TRMT11: variants seen among roughly 807,000 people sequenced by gnomAD.
The protein encoded by TRMT11 is tRNA (guanine(10)-N(2))-methyltransferase TRMT11.
A neutral mutation model predicts 62.8 loss-of-function variants in TRMT11; 53 were observed. The observed-to-expected ratio is 0.84, with a 90% CI of 0.68 to 1.06. TRMT11 has a LOEUF of 1.06. Among genes scored for constraint, TRMT11 ranks in the 50% least tolerant of loss-of-function variants. The probability of loss-of-function intolerance (pLI) is 0.00; values close to 1 mark genes in which losing one functional copy is unlikely to be tolerated. For missense variants in TRMT11, 556 were observed against 553.4 expected (o/e 1.00, Z -0.05); for synonymous variants, 188 against 190.3 (o/e 0.99, Z 0.10).
chr6:126,013,630 A>G (rs1389008469), intron 11 of TRMT11, among the ~76,000 whole-genome samples: 1 of 152,196 alleles, frequency 6.6e-6, no homozygotes, highest in Non-Finnish European at 1.5e-5. Context: ...ACCACGGCCT[A>G]TGGGCCAGAT....
Position 126,033,695 on chromosome 6 carries a change from T to C in TRMT11, c.1261-5010T>C, listed in dbSNP as rs1774643306. 3.3e-5 allele frequency among the ~76,000 whole-genome samples: 5 copies of C among 152,138 alleles called. No individual in the cohort carries two copies. The South Asian group carries it at 1.0e-3, about 32-fold the overall frequency. ...GTGGGACTCTCGATGTTTACAGCAA[T>C]CCGGGACTCACAAACAGCTATCAAA... is the stretch of plus-strand genomic sequence containing the variant. On this transcript the variant is annotated intron_variant, in intron 12 of 12. Transcript: ENST00000334379.
chr6:126,247,513 T>A, the TRMT11 span, among the ~76,000 whole-genome samples: 9 of 144,924 alleles, frequency 6.2e-5, no homozygotes, highest in Non-Finnish European at 1.3e-4. Context: ...TCTCTCTATA[T>A]ATAAATATAT....
chr6:126,210,288 A>G, the TRMT11 span, among the ~76,000 whole-genome samples: 1 of 152,222 alleles, frequency 6.6e-6, no homozygotes, highest in Non-Finnish European at 1.5e-5. Context: ...GCTATGTTCT[A>G]AAGAGGGTCA....
At chr6:126,146,518 ATT>A (rs71706557) in intron 21 of TRMT11, among the ~76,000 whole-genome samples, 4 of 143,632 alleles carry the variant, frequency 2.8e-5, no homozygotes, top group Non-Finnish European at 4.6e-5. Flanking sequence ...ACTAAATGAA[ATT>A]TTTTTTTTTT....
intron 21 of TRMT11, among the ~76,000 whole-genome samples, chr6:126,164,905 A>C (rs1486595830): frequency 6.6e-6 from 1 of 152,142 alleles, no homozygotes; most frequent in African/African-American, 2.4e-5. Flanking sequence ...TGAATACAGC[A>C]CACTGATGGG....
At chr6:126,204,707 G>A (rs1363392860), downstream of TRMT11, among the ~76,000 whole-genome samples, 2 of 152,160 alleles carry the variant, frequency 1.3e-5, no homozygotes, top group Non-Finnish European at 2.9e-5. Flanking sequence ...TGTTGATGGA[G>A]GTGAATTACA....
At chr6:126,267,848 G>A in the TRMT11 span, among the ~76,000 whole-genome samples, 1 of 152,136 alleles carries the variant, frequency 6.6e-6, no homozygotes, top group Non-Finnish European at 1.5e-5. Flanking sequence ...TTTTCTGGGT[G>A]ATTAAGGGTT....
intron 7 of TRMT11, among the ~76,000 whole-genome samples, chr6:126,003,288 C>T (rs924129212): frequency 6.6e-6 from 1 of 151,976 alleles, no homozygotes; most frequent in Non-Finnish European, 1.5e-5. Context: ...TTTTTTAGCT[C>T]ACCAGCTATC....
rs113842485 is a variant in TRMT11, at chr6:126,035,109, G to A, written c.1261-3596G>A. Among the ~76,000 whole-genome samples the A allele has an allele frequency of 1.7e-3, 257 of 152,168 alleles. 2 individuals are homozygous for A. Among genetic ancestry groups the A allele is most frequent in the African/African-American group, 5.9e-3 (246 of 41,526 alleles). On this transcript the variant is annotated intron_variant, in intron 12 of 12. Coordinates refer to ENST00000334379, the MANE Select transcript of TRMT11 (RefSeq NM_001031712.3). ...TAAGGTAATAAAAGTTCTGAATGCT[G>A]CATAGAGTATAGTATATTTCGTATG... is the stretch of plus-strand genomic sequence containing the variant.
chr6:126,068,364 C>T (rs1021499179), intron 17 of TRMT11, among the ~76,000 whole-genome samples: 4 of 152,054 alleles, frequency 2.6e-5, no homozygotes, highest in East Asian at 1.9e-4. Context: ...TGACTCAGGT[C>T]GTGAAGTTAC....
At chr6:126,140,877 A>T (rs1777909161) in intron 21 of TRMT11, among the ~76,000 whole-genome samples, 1 of 152,102 alleles carries the variant, frequency 6.6e-6, no homozygotes, top group Non-Finnish European at 1.5e-5. Flanking sequence ...GTATTTTCAT[A>T]ATGACACCTT....
Position 126,068,886 on chromosome 6 carries a change from C to T in TRMT11, c.*1437+15696C>T, listed in dbSNP as rs78032012. On this transcript the variant is annotated intron_variant and NMD_transcript_variant, in intron 17 of 22. Transcript: ENST00000648977. ...CTTACTTAGTGAGTGACAATATGCC[C>T]GGTCTACCAAGTTCAGGTGCACTCT... Among the ~76,000 whole-genome samples the T allele has an allele frequency of 9.0e-3, 1,376 of 152,246 alleles. 15 individuals are homozygous for T. The highest frequency in any genetic ancestry group is 0.031 in the African/African-American group (1,275 of 41,534).
At chr6:126,116,034 T>A (rs972324097) in intron 21 of TRMT11, among the ~76,000 whole-genome samples, 11 of 149,030 alleles carry the variant, frequency 7.4e-5, no homozygotes, top group East Asian at 3.9e-4. Context: ...TTTTTTTTTT[T>A]AATTTTCAAT....
In TRMT11 at chr6:125,998,313, G is replaced by T; in HGVS notation, c.385G>T (p.Asp129Tyr). The T allele has an allele frequency of 6.3e-7, 1 of 1,580,932 alleles. No homozygotes were observed. The highest frequency in any genetic ancestry group is 1.1e-5 in the South Asian group (1 of 87,972). Residue 129 changes from aspartate (D) to tyrosine (Y), a missense_variant and splice_region_variant, in exon 5 of 13, where the codon GAT (aspartate) becomes TAT (tyrosine). Coordinates refer to ENST00000334379, the MANE Select transcript of TRMT11 (RefSeq NM_001031712.3). ...ACAAGAAGAGAAAATCAAGCGAATA[G>T]ATGTAAGTAAATTTAGCAAAACAAA... ...LTQEEKIKRI[D>Y]ALEFLPFEGK...
At chr6:126,230,561 TG>T in the TRMT11 span, among the ~76,000 whole-genome samples, 190 of 152,340 alleles carry the variant, frequency 1.2e-3, no homozygotes, top group African/African-American at 4.2e-3. Flanking sequence ...CATCTTATTT[TG>T]GCAACTCTTC....
intron 16 of TRMT11, among the ~76,000 whole-genome samples, chr6:126,050,113 G>A (rs1449104642): frequency 6.6e-6 from 1 of 152,154 alleles, no homozygotes; most frequent in African/African-American, 2.4e-5. Flanking sequence ...CACATCACTT[G>A]AGGCCAGGAG....
At chr6:126,210,393 A>C in the TRMT11 span, among the ~76,000 whole-genome samples, 2 of 152,240 alleles carry the variant, frequency 1.3e-5, no homozygotes, top group Admixed American at 1.3e-4. Flanking sequence ...TGAGTTTCAA[A>C]GAGAACCCTA....
chr6:126,140,720 G>A (rs537878078), intron 21 of TRMT11, among the ~76,000 whole-genome samples: 3 of 152,086 alleles, frequency 2.0e-5, no homozygotes, highest in South Asian at 4.2e-4. Context: ...TACTTGACAA[G>A]TTAATTTTAG....
At position 125,999,584 on chromosome 6, in the gene TRMT11, A is replaced by AT; in HGVS notation, c.651dup (p.Ile218TyrfsTer4). The AT allele has an allele frequency of 6.2e-7, 1 of 1,611,714 alleles. No individual in the cohort carries two copies. Among genetic ancestry groups the AT allele is most frequent in the East Asian group, 2.2e-5 (1 of 44,708 alleles). On this transcript the variant is annotated frameshift_variant, in exon 7 of 13. Transcript: ENST00000334379. LOFTEE classifies it high-confidence loss of function. The stretch of plus-strand genomic sequence containing the variant: ...AACCATGGAAAAGTGAAAGAAAATG[A>AT]TATTGTCTTTGATCCATTTGTTGGA...
Sources: gnomAD v4.1 joint callset for allele counts (sites outside exome capture counted in the v4.1 genomes callset) on GRCh38, gnomAD v4.1.1 for gene constraint, MANE v1.5 for transcripts, NCBI Gene and HGNC (gene_info 2026-07-23, HGNC 2026-07-21) for gene names.